The following FGFR1 variants were observed in gnomAD, a reference collection of about 807,000 sequenced individuals.
The protein encoded by FGFR1 is FGFR1/PLAG1 fusion.
Under a neutral mutation model 93.7 loss-of-function variants are expected in FGFR1, and 18 were observed. The observed-to-expected ratio is 0.19, with a 90% CI of 0.13 to 0.28. The LOEUF (loss-of-function observed/expected upper bound fraction) is 0.28, where lower values mean the gene tolerates loss of function less well. FGFR1 is among the 10% of genes least tolerant of loss of function. The probability of loss-of-function intolerance (pLI) is 1.00; values close to 1 mark genes in which losing one functional copy is unlikely to be tolerated. For synonymous variants in FGFR1, 448 were observed against 429.3 expected (o/e 1.04, Z -0.54); for missense variants, 731 against 1,080.4 (o/e 0.68, Z 4.53).
chr8:38,420,287 C>G (rs1376003426), intron 8 of FGFR1: 1 of 163,530 alleles, frequency 6.1e-6, no homozygotes, highest in Non-Finnish European at 1.4e-5. Context: ...AGAATGAGGA[C>G]AGAGGACAGG....
intron 3 of FGFR1, 121 bp from the exon 4 acceptor site, chr8:38,428,556 C>A: frequency 1.3e-6 from 1 of 751,184 alleles, no homozygotes; most frequent in Non-Finnish European, 2.4e-6. Flanking sequence ...CCACTGCTCC[C>A]TTAGTGATGA....
intron 2 of FGFR1, among the ~76,000 whole-genome samples, chr8:38,453,720 C>G (rs1475471651): frequency 6.6e-6 from 1 of 152,238 alleles, no homozygotes; most frequent in African/African-American, 2.4e-5. Flanking sequence ...TGGTGAAACC[C>G]ATCTCTACTA....
chr8:38,424,408 C>A lies in FGFR1; in HGVS notation c.936+101G>T. ...GTGTGCCTGAAGCGTGAGGAATGAT[C>A]CCATTCGGGGGCAACTGAGCCTGCC... On this transcript the variant is annotated intron_variant, in intron 7 of 17. Coordinates refer to ENST00000447712, the MANE Select transcript of FGFR1 (RefSeq NM_023110.3). This position sits in a 1 kb window ranked among gnomAD's most constrained non-coding sequence, Gnocchi z 4.3. 1 of 1,275,652 alleles carries A rather than the reference C, an allele frequency of 7.8e-7. No homozygotes were observed. The allele number at this position is 1,275,652 out of a possible 1,614,324, so 79.0% of individuals were successfully genotyped here.
intron 2 of FGFR1, among the ~76,000 whole-genome samples, chr8:38,448,688 C>T (rs1237565997): frequency 6.6e-6 from 1 of 152,214 alleles, no homozygotes; most frequent in Non-Finnish European, 1.5e-5. Context: ...GGTGTGGTGG[C>T]TCACGCCTGT....
At chr8:38,448,028 A>C (rs1829897969) in intron 2 of FGFR1, among the ~76,000 whole-genome samples, 1 of 152,242 alleles carries the variant, frequency 6.6e-6, no homozygotes, top group East Asian at 1.9e-4. Flanking sequence ...TGTAGTTCTT[A>C]AGCATAATGA....
rs774584264 is a variant in FGFR1, at chr8:38,428,041, T to G, written c.501A>C (p.Ala167=). 2.8e-5 allele frequency: 45 copies of G among 1,614,160 alleles called. No homozygotes were observed. The highest frequency in any genetic ancestry group is 3.8e-5 in the Non-Finnish European group (45 of 1,180,062). The change falls in exon 5 of 18, where the codon GCA becomes GCC. Residue 167 remains alanine (A), a synonymous_variant. Coordinates refer to ENST00000447712, the MANE Select transcript of FGFR1 (RefSeq NM_023110.3). ...ACTTCACTGTCTTGGCAGCCGGCAC[T>G]GCATGCAATTTCTTTTCCATCTTTT... ...SPEKMEKKLH[A]VPAAKTVKFK... is the part of the protein sequence containing the mutation.
intron 2 of FGFR1, among the ~76,000 whole-genome samples, chr8:38,443,939 C>A (rs1828415464): frequency 6.7e-6 from 1 of 149,872 alleles, no homozygotes. Context: ...TGTAATCCCA[C>A]CTACTCAGGA....
chr8:38,446,643 A>G (rs1829388309), intron 2 of FGFR1, among the ~76,000 whole-genome samples: 1 of 151,880 alleles, frequency 6.6e-6, no homozygotes. Context: ...TTCTGAGCTC[A>G]CTCTATCTGC....
At chr8:38,439,904 A>G (rs1425812752) in intron 2 of FGFR1, among the ~76,000 whole-genome samples, 1 of 152,042 alleles carries the variant, frequency 6.6e-6, no homozygotes, top group East Asian at 1.9e-4. Flanking sequence ...GGCTGACAGT[A>G]GGTATTTGTA....
Position 38,411,288 on chromosome 8 carries a change from T to A in FGFR1, c.*2340A>T, listed in dbSNP as rs1274217563. The stretch of plus-strand genomic sequence containing the variant: ...CCTCTCCCAAGGACTTATGAAGACT[T>A]TTAGATTCTTCATCCCTTCACACAA... On this transcript the variant is annotated 3_prime_UTR_variant, in exon 18 of 18. Coordinates refer to ENST00000447712, the MANE Select transcript of FGFR1 (RefSeq NM_023110.3). 9.5e-6 allele frequency: 2 copies of A among 210,406 alleles called. No homozygotes were observed. The highest frequency in any genetic ancestry group is 1.9e-5 in the Non-Finnish European group (2 of 103,732). 13.0% of individuals were successfully genotyped at this position (210,406 alleles called of 1,614,324 possible).
chr8:38,455,111 G>A (rs1832410972), intron 2 of FGFR1, among the ~76,000 whole-genome samples: 1 of 151,462 alleles, frequency 6.6e-6, no homozygotes, highest in Non-Finnish European at 1.5e-5. Context: ...TAATAGTTGG[G>A]ACTACAAGCA....
rs541282747 is a variant in FGFR1 at position 38,423,476 on chromosome 8, T to C, written c.936+1033A>G. On this transcript the variant is annotated intron_variant, in intron 7 of 17. Transcript: ENST00000447712. ...AGCTGGGACTACAGGTGCCAACCAC[T>C]ATGCACAGCTAATTTTTGTATTTTT... The C allele has an allele frequency of 2.2e-5, 7 of 322,352 alleles. No homozygotes were observed. The Admixed American group carries it at 2.5e-4, about 12-fold the overall frequency. 20.0% of individuals were successfully genotyped at this position (322,352 alleles called of 1,614,324 possible).
intron 2 of FGFR1, among the ~76,000 whole-genome samples, chr8:38,444,051 CAA>C (rs746296068): frequency 0.021 from 1,576 of 74,246 alleles, 6 homozygotes; most frequent in Non-Finnish European, 0.024. Context: ...GAAACTGTCT[CAA>C]AAAAAAAAAA....
At chr8:38,419,954 G>T in intron 8 of FGFR1, 1 of 577,230 alleles carries the variant, frequency 1.7e-6, no homozygotes, top group Non-Finnish European at 3.1e-6. Context: ...CATGGAAAAG[G>T]GATGGCCTAG....
At chr8:38,438,698 T>C (rs1826277534) in intron 2 of FGFR1, among the ~76,000 whole-genome samples, 1 of 152,150 alleles carries the variant, frequency 6.6e-6, no homozygotes, top group Admixed American at 6.5e-5. Flanking sequence ...ACATACATCA[T>C]ACATCCAGAG....
At position 38,412,917 on chromosome 8, in the gene FGFR1, T is replaced by A. The variant is rs1814861610; in HGVS notation, c.*711A>T. On this transcript the variant is annotated 3_prime_UTR_variant, in exon 18 of 18. Coordinates refer to ENST00000447712, the MANE Select transcript of FGFR1 (RefSeq NM_023110.3). ...CAGCCACCAGGAGCATCTTACCCGA[T>A]GGGTAAATCTCTGGTAACGACCCTT... is the stretch of plus-strand genomic sequence containing the variant. 8.6e-6 allele frequency: 2 copies of A among 233,572 alleles called. No individual in the cohort carries two copies. The highest frequency in any genetic ancestry group is 1.2e-4 in the East Asian group (2 of 16,586). The allele number at this position is 233,572 out of a possible 1,614,324, so 14.5% of individuals were successfully genotyped here. A position where few individuals can be genotyped will look rare whatever the true frequency, so the allele number is the denominator to read the frequency against.
intron 2 of FGFR1, among the ~76,000 whole-genome samples, chr8:38,432,908 GC>G (rs752109045): frequency 0.013 from 626 of 47,436 alleles, 20 homozygotes; most frequent in African/African-American, 0.045. Flanking sequence ...TCCCCACCGC[GC>G]CCCCCCCCCT....
intron 2 of FGFR1, chr8:38,440,465 C>T (rs963917507): frequency 2.8e-6 from 3 of 1,054,164 alleles, no homozygotes; most frequent in African/African-American, 1.6e-5. Context: ...AAATGGGGGG[C>T]ACAGGTATGT....
rs996038281 is a variant in FGFR1, at chr8:38,468,295, G to C, written c.-403C>G. 11 of 228,078 alleles carry C rather than the reference G, an allele frequency of 4.8e-5. No homozygotes were observed. Among genetic ancestry groups the C allele is most frequent in the African/African-American group, 2.0e-4 (9 of 44,938 alleles). 14.1% of individuals were successfully genotyped at this position (228,078 alleles called of 1,614,324 possible). A position where few individuals can be genotyped will look rare whatever the true frequency, so the allele number is the denominator to read the frequency against. On this transcript the variant is annotated 5_prime_UTR_variant, in exon 1 of 18. Transcript: ENST00000447712. ...GCAGCGGCGGCGCCTCACTTTCCTT[G>C]CAGACCGGGCTCCATCGCCCTGCGG...
Sources: gnomAD v4.1 joint callset for allele counts (sites outside exome capture counted in the v4.1 genomes callset) on GRCh38, gnomAD v4.1.1 for gene constraint, Gnocchi (gnomAD v3.1) non-coding constraint, MANE v1.5 for transcripts, NCBI Gene and HGNC (gene_info 2026-07-23, HGNC 2026-07-21) for gene names.